The following SEZ6L variants were observed in gnomAD, a reference collection of about 807,000 sequenced individuals.
The protein encoded by SEZ6L is seizure related 6 homolog like.
In SEZ6L, 37 loss-of-function variants were observed where a neutral mutation model predicts 106.2. That is an observed-to-expected ratio of 0.35 (90% CI 0.27 to 0.46). The LOEUF (loss-of-function observed/expected upper bound fraction) is 0.46. SEZ6L is among the 20% of genes least tolerant of loss of function. The pLI is 1.00. For synonymous variants in SEZ6L, 541 were observed against 570.4 expected, an observed-to-expected ratio of 0.95 and a Z score of 0.73; for missense variants, 1,172 against 1,332.8, an observed-to-expected ratio of 0.88 and a Z score of 1.88.
At chr22:26,307,789 G>A (rs1402680496) in intron 6 of SEZ6L, among the ~76,000 whole-genome samples, 1 of 152,170 alleles carries the variant, frequency 6.6e-6, no homozygotes, top group Non-Finnish European at 1.5e-5. Context: ...TGCTTGAGAT[G>A]AGCCAGGCTT....
chr22:26,239,982 A>C (rs1432799626), intron 1 of SEZ6L, among the ~76,000 whole-genome samples: 3 of 150,790 alleles, frequency 2.0e-5, no homozygotes, highest in Non-Finnish European at 4.4e-5. Flanking sequence ...TTCCCTCAAC[A>C]AGGCTGGGGC....
At chr22:26,310,922 G>A in intron 7 of SEZ6L, 86 bp downstream of exon 7, 2 of 1,357,330 alleles carry the variant, frequency 1.5e-6, no homozygotes, top group East Asian at 2.3e-5. Flanking sequence ...AGAAATCTGG[G>A]CTGCGAAGGA....
At chr22:26,177,549 C>A (rs765825673) in intron 1 of SEZ6L, among the ~76,000 whole-genome samples, 1 of 152,192 alleles carries the variant, frequency 6.6e-6, no homozygotes, top group African/African-American at 2.4e-5. Context: ...AGGTCTCTGG[C>A]AGCTGCAAAA....
intron 1 of SEZ6L, among the ~76,000 whole-genome samples, chr22:26,285,262 A>T (rs1019612055): frequency 4.6e-5 from 7 of 152,244 alleles, no homozygotes; most frequent in African/African-American, 1.4e-4. Flanking sequence ...GAATGAATGA[A>T]CGATAAATGG....
chr22:26,222,412 C>G (rs2078504325), intron 1 of SEZ6L, among the ~76,000 whole-genome samples: 1 of 152,230 alleles, frequency 6.6e-6, no homozygotes, highest in Non-Finnish European at 1.5e-5. Context: ...GGCCAGCTGC[C>G]TTTACTCCAT....
chr22:26,170,814 A>G (rs1014994684), intron 1 of SEZ6L, among the ~76,000 whole-genome samples: 3 of 152,242 alleles, frequency 2.0e-5, no homozygotes, highest in African/African-American at 7.2e-5. Flanking sequence ...AAAAAAGCAG[A>G]CAGCTGCAGG....
chr22:26,321,904 C>T (rs908727509), intron 9 of SEZ6L, among the ~76,000 whole-genome samples: 1 of 152,084 alleles, frequency 6.6e-6, no homozygotes, highest in South Asian at 2.1e-4. Context: ...CTCTCTCCCT[C>T]TTCGTCTACT....
At chr22:26,379,639 A>C (rs2084348949) in intron 16 of SEZ6L, among the ~76,000 whole-genome samples, 1 of 74,298 alleles carries the variant, frequency 1.3e-5, no homozygotes, top group South Asian at 6.3e-4. Context: ...AAGAAATCAA[A>C]CTACCCCCCA....
chr22:26,282,540 G>C (rs2080804979), intron 1 of SEZ6L, among the ~76,000 whole-genome samples: 1 of 152,192 alleles, frequency 6.6e-6, no homozygotes, highest in South Asian at 2.1e-4. Flanking sequence ...TGTGGAGCAT[G>C]TCTGCAAAGC....
intron 13 of SEZ6L, among the ~76,000 whole-genome samples, chr22:26,368,280 T>A (rs1457439927): frequency 6.6e-6 from 1 of 152,218 alleles, no homozygotes; most frequent in Non-Finnish European, 1.5e-5. Context: ...GAAACAGGTA[T>A]TTAAGCAAAC....
intron 1 of SEZ6L, among the ~76,000 whole-genome samples, chr22:26,258,311 C>T (rs2079891156): frequency 6.6e-6 from 1 of 152,200 alleles, no homozygotes; most frequent in Non-Finnish European, 1.5e-5. Flanking sequence ...ACTCACATAG[C>T]ATGTGTCAGA....
intron 10 of SEZ6L, among the ~76,000 whole-genome samples, chr22:26,346,305 G>A (rs1464333951): frequency 2.6e-5 from 4 of 152,208 alleles, no homozygotes; most frequent in African/African-American, 7.2e-5. Context: ...GCTTCCCAAA[G>A]TGCTGAGATT....
At chr22:26,223,022 T>C (rs2078525225) in intron 1 of SEZ6L, among the ~76,000 whole-genome samples, 1 of 151,960 alleles carries the variant, frequency 6.6e-6, no homozygotes, top group Admixed American at 6.6e-5. Context: ...CAAATGTCAA[T>C]AGCGCCTAGG....
At chr22:26,202,647 CT>C (rs951979556) in intron 1 of SEZ6L, among the ~76,000 whole-genome samples, 8 of 152,222 alleles carry the variant, frequency 5.3e-5, no homozygotes, top group East Asian at 1.9e-4. Context: ...TTATGTCTTA[CT>C]TTTTTTCAGA....
intron 9 of SEZ6L, among the ~76,000 whole-genome samples, chr22:26,324,364 G>A (rs986319420): frequency 6.6e-6 from 1 of 152,120 alleles, no homozygotes; most frequent in Non-Finnish European, 1.5e-5. Context: ...AAATAAAAGG[G>A]CCTAATAACA....
intron 13 of SEZ6L, among the ~76,000 whole-genome samples, chr22:26,372,009 G>A (rs952615354): frequency 6.6e-6 from 1 of 152,202 alleles, no homozygotes; most frequent in African/African-American, 2.4e-5. Context: ...CTGGGACTTG[G>A]GGACCCCGGG....
At chr22:26,332,147 GTT>G (rs752520660) in intron 9 of SEZ6L, among the ~76,000 whole-genome samples, 16,017 of 113,834 alleles carry the variant, frequency 0.14, 738 homozygotes, top group Admixed American at 0.24. Context: ...GATTTTCAAT[GTT>G]TTTTTTTTTT....
intron 3 of SEZ6L, 147 bp from the exon 4 acceptor site, chr22:26,296,741 T>G (rs150394809): frequency 6.4e-5 from 37 of 579,148 alleles, no homozygotes; most frequent in African/African-American, 5.6e-4. Flanking sequence ...CCAGGGCTCC[T>G]GTGGGCTCGG....
chr22:26,339,197 T>C (rs1422800788), intron 9 of SEZ6L, among the ~76,000 whole-genome samples: 3 of 152,078 alleles, frequency 2.0e-5, no homozygotes, highest in Admixed American at 2.0e-4. Context: ...CACTACTCTG[T>C]GACCCTTCTG....
Sources: gnomAD v4.1 joint callset for allele counts (sites outside exome capture counted in the v4.1 genomes callset) on GRCh38, gnomAD v4.1.1 for gene constraint, MANE v1.5 for transcripts, NCBI Gene and HGNC (gene_info 2026-07-23, HGNC 2026-07-21) for gene names.